The following PALM2AKAP2 variants were observed in gnomAD, a reference collection of about 807,000 sequenced individuals.
PALM2AKAP2 encodes the protein PALM2-AKAP2 fusion protein.
A neutral mutation model predicts 71.5 loss-of-function variants in PALM2AKAP2; 37 were observed. The observed-to-expected ratio is 0.52, with a 90% CI of 0.40 to 0.68. The LOEUF (loss-of-function observed/expected upper bound fraction) is 0.68, where lower values mean the gene tolerates loss of function less well. PALM2AKAP2 is among the 30% of genes least tolerant of loss of function. The probability of loss-of-function intolerance (pLI) is 0.00; values close to 1 mark genes in which losing one functional copy is unlikely to be tolerated. For synonymous variants in PALM2AKAP2, 468 were observed against 478.8 expected (o/e 0.98, Z 0.29); for missense variants, 1,224 against 1,191.8 (o/e 1.03, Z -0.40).
At chr9:110,170,807 C>G (rs1336873841) in exon 4 of PALM2AKAP2, 1 of 152,168 alleles carries the variant, frequency 6.6e-6, no homozygotes, top group Non-Finnish European at 1.5e-5. Context: ...TCGTCTTTAC[C>G]TGAGGATTTC....
exon 3 of PALM2AKAP2, chr9:110,156,459 C>A: frequency 6.2e-7 from 1 of 1,610,868 alleles, no homozygotes; most frequent in Non-Finnish European, 8.5e-7. Context: ...CTATGAGACA[C>A]ACAAATCTAA....
chr9:109,792,849 A>T (rs1290576045), intron 1 of PALM2AKAP2, among the ~76,000 whole-genome samples: 1 of 152,100 alleles, frequency 6.6e-6, no homozygotes, highest in African/African-American at 2.4e-5. Context: ...TTCCATGGGG[A>T]CATATTTATA....
rs115141852 is a variant in PALM2AKAP2 at position 109,816,553 on chromosome 9, G to A, written c.45+36020G>A. On this transcript the variant is annotated intron_variant, in intron 1 of 9. Transcript: ENST00000302798. ...AGTGATGAGGCCAGATTTCAGCCCT[G>A]AGTGCAGATCGTTGAGGAGAGTGAA... 2.4e-3 allele frequency among the ~76,000 whole-genome samples: 365 copies of A among 152,308 alleles called. 1 individual carries two copies. Among genetic ancestry groups the A allele is most frequent in the African/African-American group, 8.4e-3 (349 of 41,570 alleles).
At chr9:109,810,139 A>G (rs1450204223) in intron 1 of PALM2AKAP2, among the ~76,000 whole-genome samples, 1 of 152,244 alleles carries the variant, frequency 6.6e-6, no homozygotes, top group Non-Finnish European at 1.5e-5. Flanking sequence ...ATAAACATTC[A>G]GTCCATAGCA....
At chr9:110,151,640 T>A (rs770160439) in intron 2 of PALM2AKAP2, among the ~76,000 whole-genome samples, 4 of 152,338 alleles carry the variant, frequency 2.6e-5, no homozygotes, top group Non-Finnish European at 4.4e-5. Flanking sequence ...GTCAACCAAG[T>A]GAAGCCACTT....
chr9:109,869,545 A>G (rs796396907), intron 2 of PALM2AKAP2, among the ~76,000 whole-genome samples: 4 of 148,944 alleles, frequency 2.7e-5, no homozygotes, highest in African/African-American at 9.9e-5. Flanking sequence ...TCACCATGTT[A>G]GCCAGGATAG....
rs909466789 is a variant in PALM2AKAP2, at chr9:109,978,304, A to G, written c.497-37650A>G. Reference sequence around the variant, plus strand: ...TGGATCACAGCAGGAGGCATAGCAAATATTTCATCTCAAATATTTTGAGAA... The same window carrying G: ...TGGATCACAGCAGGAGGCATAGCAAGTATTTCATCTCAAATATTTTGAGAA... On this transcript the variant is annotated intron_variant, in intron 6 of 9. Transcript: ENST00000302798. Among the ~76,000 whole-genome samples, 10 of 152,134 alleles carry G rather than the reference A, an allele frequency of 6.6e-5. No homozygotes were observed. In the East Asian group the frequency reaches 1.5e-3, roughly 23 times the overall value.
chr9:109,699,597 A>G (rs963943097), intron 1 of PALM2AKAP2, among the ~76,000 whole-genome samples: 3 of 152,202 alleles, frequency 2.0e-5, no homozygotes, highest in African/African-American at 7.2e-5. Context: ...CACTTAAAGT[A>G]TATTATTAAG....
intron 1 of PALM2AKAP2, among the ~76,000 whole-genome samples, chr9:109,774,245 T>C (rs7038509): frequency 0.51 from 78,065 of 152,026 alleles, 22,553 homozygotes; most frequent in African/African-American, 0.78. Flanking sequence ...ACCAATGACC[T>C]GACTGTGTCT....
chr9:109,932,001 G>T (rs1831114015), exon 6 of PALM2AKAP2: 1 of 1,613,750 alleles, frequency 6.2e-7, no homozygotes, highest in South Asian at 1.1e-5. Context: ...ACCATCACCT[G>T]GGCAGGACGG....
intron 1 of PALM2AKAP2, among the ~76,000 whole-genome samples, chr9:110,105,957 G>A (rs1249612738): frequency 3.3e-5 from 5 of 150,572 alleles, no homozygotes; most frequent in African/African-American, 1.2e-4. Flanking sequence ...ATATATATAC[G>A]CACTTTATCC....
intron 1 of PALM2AKAP2, among the ~76,000 whole-genome samples, chr9:109,702,745 A>G (rs1315848440): frequency 7.3e-6 from 1 of 136,408 alleles, no homozygotes; most frequent in African/African-American, 3.0e-5. Flanking sequence ...AACTTAAGGT[A>G]TAATAATAAA....
intron 6 of PALM2AKAP2, among the ~76,000 whole-genome samples, chr9:109,993,639 G>A (rs923390174): frequency 6.6e-6 from 1 of 152,084 alleles, no homozygotes; most frequent in East Asian, 1.9e-4. Flanking sequence ...AGGGCCAAAG[G>A]CCAAAACCAT....
chr9:109,749,767 C>T (rs1268566268), intron 1 of PALM2AKAP2, among the ~76,000 whole-genome samples: 3 of 152,204 alleles, frequency 2.0e-5, no homozygotes, highest in Non-Finnish European at 2.9e-5. Flanking sequence ...AGGCAGAGTG[C>T]TGAGCACTGT....
intron 1 of PALM2AKAP2, among the ~76,000 whole-genome samples, chr9:109,755,104 G>T (rs1287145704): frequency 6.6e-6 from 1 of 151,946 alleles, no homozygotes; most frequent in African/African-American, 2.4e-5. Context: ...AAATTCATTG[G>T]CCTTCTACCT....
intron 1 of PALM2AKAP2, among the ~76,000 whole-genome samples, chr9:109,853,708 A>G (rs767572943): frequency 3.9e-5 from 6 of 152,220 alleles, no homozygotes; most frequent in Non-Finnish European, 5.9e-5. Flanking sequence ...GCTATTCTAT[A>G]TGACTGCCAA....
chr9:109,804,163 G>A (rs1162754675), intron 1 of PALM2AKAP2, among the ~76,000 whole-genome samples: 1 of 152,184 alleles, frequency 6.6e-6, no homozygotes, highest in African/African-American at 2.4e-5. Flanking sequence ...CACCTGCCTG[G>A]ATGTTGTTTT....
rs1286770970 is a variant in PALM2AKAP2 at position 109,979,146 on chromosome 9, C to G, written c.497-36808C>G. Among the ~76,000 whole-genome samples, 5 of 152,186 alleles carry G rather than the reference C, an allele frequency of 3.3e-5. No individual in the cohort carries two copies. In the East Asian group the frequency reaches 7.7e-4, roughly 23 times the overall value. On this transcript the variant is annotated intron_variant, in intron 6 of 9. Transcript: ENST00000302798. Reference sequence around the variant, plus strand: ...TAGCTAGGACTACAGGCACGCACCACCATGCCCAGCTAATTTTTGTATTTT... The same window carrying G: ...TAGCTAGGACTACAGGCACGCACCAGCATGCCCAGCTAATTTTTGTATTTT...
chr9:110,001,198 TA>T (rs971636148), intron 6 of PALM2AKAP2, among the ~76,000 whole-genome samples: 96 of 152,208 alleles, frequency 6.3e-4, no homozygotes, highest in African/African-American at 2.1e-3. Flanking sequence ...GTATAAGGTG[TA>T]AGGAAGGGAT....
Sources: allele counts gnomAD v4.1 joint callset (sites outside exome capture counted in the v4.1 genomes callset), GRCh38; gene constraint gnomAD v4.1.1; transcripts MANE v1.5; gene names NCBI Gene and HGNC (gene_info 2026-07-23, HGNC 2026-07-21).